ANO3: variants seen among roughly 807,000 people sequenced by gnomAD.
The protein encoded by ANO3 is anoctamin-3.
Under a neutral mutation model 144.8 loss-of-function variants are expected in ANO3, and 99 were observed. The observed-to-expected ratio is 0.68, with a 90% CI of 0.58 to 0.81. The LOEUF is 0.81. Among genes scored for constraint, ANO3 ranks in the 30% least tolerant of loss-of-function variants. The pLI is 0.00. For synonymous variants in ANO3, 414 were observed against 392.6 expected, an observed-to-expected ratio of 1.05 and a Z score of -0.64; for missense variants, 905 against 1,202.2, an observed-to-expected ratio of 0.75 and a Z score of 3.66.
chr11:26,495,108 T>C (rs918090420), intron 4 of ANO3, among the ~76,000 whole-genome samples: 1 of 80,736 alleles, frequency 1.2e-5, no homozygotes, highest in African/African-American at 4.0e-5. Flanking sequence ...TATTTATTTA[T>C]TTATTTATTT....
intron 3 of ANO3, among the ~76,000 whole-genome samples, chr11:26,451,895 G>T (rs536550143): frequency 1.3e-3 from 196 of 152,260 alleles, no homozygotes; most frequent in African/African-American, 4.6e-3. Flanking sequence ...AAAACTTCCA[G>T]AGGAACAATC....
rs369742234 is a variant in ANO3 at position 26,252,044 on chromosome 11, T to C, written c.155-57601T>C. ...AATGTTTTTTTTCTAGAGAAAAGCA[T>C]GTGTCTAAACTTTTATATCAATAAT... is the stretch of plus-strand genomic sequence containing the variant. On this transcript the variant is annotated intron_variant, in intron 1 of 27. Transcript: ENST00000672621. Among the ~76,000 whole-genome samples the C allele has an allele frequency of 2.9e-3, 435 of 152,340 alleles. 24 individuals carry two copies. The South Asian group carries it at 0.086, about 30-fold the overall frequency.
chr11:26,400,361 A>G (rs569405318), intron 1 of ANO3, among the ~76,000 whole-genome samples: 2 of 152,196 alleles, frequency 1.3e-5, no homozygotes, highest in Admixed American at 6.5e-5. Context: ...AAAAGAATGT[A>G]TACCATACAA....
chr11:26,364,557 A>G (rs571302496), intron 1 of ANO3, among the ~76,000 whole-genome samples: 2 of 152,318 alleles, frequency 1.3e-5, no homozygotes, highest in Non-Finnish European at 2.9e-5. Context: ...GGTGAGGCCT[A>G]AGGGAGCTTT....
chr11:26,277,696 G>T (rs10834934), intron 1 of ANO3, among the ~76,000 whole-genome samples: 27,089 of 151,320 alleles, frequency 0.18, 2,713 homozygotes, highest in African/African-American at 0.28. Flanking sequence ...CTCTTTAGGA[G>T]ACTTGTCCAA....
At position 26,409,856 on chromosome 11, in the gene ANO3, T is replaced by C. The variant is rs1199586508; in HGVS notation, c.47-32062T>C. On this transcript the variant is annotated intron_variant, in intron 1 of 26. Transcript: ENST00000256737. The stretch of plus-strand genomic sequence containing the variant: ...ATAAAGATGATGCTAAGATACCCTT[T>C]ACAGACAAGGCAGCCATTTGGCTGA... Among the ~76,000 whole-genome samples, 5 of 151,954 alleles carry C rather than the reference T, an allele frequency of 3.3e-5. No individual in the cohort carries two copies. The South Asian group carries it at 8.3e-4, about 25-fold the overall frequency.
chr11:26,197,028 A>G (rs1039687979), intron 1 of ANO3, among the ~76,000 whole-genome samples: 4 of 152,344 alleles, frequency 2.6e-5, no homozygotes, highest in African/African-American at 9.6e-5. Context: ...GCTTTGACAC[A>G]CACACATGCA....
chr11:26,457,334 G>GAAA (rs57184880), intron 3 of ANO3, among the ~76,000 whole-genome samples: 6 of 145,302 alleles, frequency 4.1e-5, no homozygotes, highest in Non-Finnish European at 6.0e-5. Flanking sequence ...TTTTGACTCT[G>GAAA]AAAAAAAAAA....
At chr11:26,196,515 C>A (rs1024570153) in intron 1 of ANO3, among the ~76,000 whole-genome samples, 3 of 152,066 alleles carry the variant, frequency 2.0e-5, no homozygotes, top group African/African-American at 7.2e-5. Context: ...AGTTAATTCT[C>A]CAGTAGAGCC....
chr11:26,634,365 A>G (rs1488911691), intron 19 of ANO3, 50 bp downstream of exon 19: 2 of 1,201,332 alleles, frequency 1.7e-6, no homozygotes, highest in Admixed American at 1.7e-5. Context: ...AACACAGTCA[A>G]TAGTTTAATT....
chr11:26,655,963 A>G (rs528478155), intron 24 of ANO3, among the ~76,000 whole-genome samples, 162 bp from the exon 25 acceptor site: 1 of 152,292 alleles, frequency 6.6e-6, no homozygotes, highest in South Asian at 2.1e-4. Flanking sequence ...TTAAGGTACA[A>G]TTATGAGAGT....
intron 1 of ANO3, chr11:26,285,588 G>C (rs1395207555): frequency 6.6e-6 from 1 of 152,156 alleles, no homozygotes; most frequent in Non-Finnish European, 1.5e-5. Context: ...TACGGGATAA[G>C]TATATTCATT....
chr11:26,194,134 G>A (rs1851530742), intron 1 of ANO3, among the ~76,000 whole-genome samples: 1 of 152,154 alleles, frequency 6.6e-6, no homozygotes, highest in Admixed American at 6.5e-5. Flanking sequence ...CTAAGGAGGT[G>A]AGGTCACTTA....
At chr11:26,304,165 T>C (rs1854305932) in intron 1 of ANO3, among the ~76,000 whole-genome samples, 1 of 152,200 alleles carries the variant, frequency 6.6e-6, no homozygotes, top group Admixed American at 6.5e-5. Context: ...TTTTCATATG[T>C]ACATAATTTA....
chr11:26,373,565 G>C (rs1303538079), intron 1 of ANO3, among the ~76,000 whole-genome samples: 1 of 152,086 alleles, frequency 6.6e-6, no homozygotes, highest in African/African-American at 2.4e-5. Flanking sequence ...GAATACATCA[G>C]GTAATAACTT....
chr11:26,466,809 A>G (rs118161509), intron 4 of ANO3, among the ~76,000 whole-genome samples: 2,652 of 152,072 alleles, frequency 0.017, 45 homozygotes, highest in Non-Finnish European at 0.028. Flanking sequence ...ACAACCACAA[A>G]TGTTAAAGAA....
In ANO3 at chr11:26,237,129, C is replaced by A. The variant is rs149462202; in HGVS notation, c.154+47799C>A. Among the ~76,000 whole-genome samples the A allele has an allele frequency of 2.6e-5, 4 of 152,072 alleles. No individual in the cohort carries two copies. The South Asian group carries it at 8.3e-4, about 32-fold the overall frequency. On this transcript the variant is annotated intron_variant, in intron 1 of 27. Transcript: ENST00000672621. ...ACAATTCCAACTCCCGGAGTATTGT[C>A]AATGTTCTTATCATCTCTAAAATCG... is the stretch of plus-strand genomic sequence containing the variant.
At chr11:26,614,067 G>C (rs552502632) in intron 17 of ANO3, among the ~76,000 whole-genome samples, 3 of 152,234 alleles carry the variant, frequency 2.0e-5, no homozygotes, top group Admixed American at 6.5e-5. Context: ...CAGGCAGGCT[G>C]TAGCAAGCTG....
At chr11:26,262,891 T>C (rs1853223395) in intron 1 of ANO3, among the ~76,000 whole-genome samples, 1 of 152,082 alleles carries the variant, frequency 6.6e-6, no homozygotes, top group South Asian at 2.1e-4. Flanking sequence ...CTGTGAGAAA[T>C]AAATTGTTGT....
Sources: allele counts gnomAD v4.1 joint callset (sites outside exome capture counted in the v4.1 genomes callset), GRCh38; gene constraint gnomAD v4.1.1; transcripts MANE v1.5; gene names NCBI Gene and HGNC (gene_info 2026-07-23, HGNC 2026-07-21).